The following BCAR3 variants were observed in gnomAD, a reference collection of about 807,000 sequenced individuals.
BCAR3 encodes BCAR3 adaptor protein, NSP family member, also known as breast cancer anti-estrogen resistance protein 3.
BCAR3 carries 37 observed loss-of-function variants against 80.1 expected under a neutral mutation model. That is an observed-to-expected ratio of 0.46 (90% CI 0.36 to 0.61). The LOEUF is 0.61. BCAR3 is among the 20% of genes least tolerant of loss of function. The probability of loss-of-function intolerance (pLI) is 0.00; values close to 1 mark genes in which losing one functional copy is unlikely to be tolerated. For missense variants in BCAR3, 978 were observed against 1,068.2 expected, an observed-to-expected ratio of 0.92 and a Z score of 1.18; for synonymous variants, 389 against 418.9, an observed-to-expected ratio of 0.93 and a Z score of 0.87.
At chr1:93,642,731 C>T (rs560867787) in intron 2 of BCAR3, among the ~76,000 whole-genome samples, 95 of 152,296 alleles carry the variant, frequency 6.2e-4, no homozygotes, top group African/African-American at 2.2e-3. Context: ...ATCCCCAGAA[C>T]GTCCCCACCA....
Position 93,777,347 on chromosome 1 carries a change from TTTCTTCTTCCTCCTCTTC to T in BCAR3, c.-63+68202_-63+68219del, listed in dbSNP as rs879517734. Among the ~76,000 whole-genome samples, 549 of 150,076 alleles carry T rather than the reference TTTCTTCTTCCTCCTCTTC, an allele frequency of 3.7e-3. 1 individual carries two copies. The highest frequency in any genetic ancestry group is 5.6e-3 in the Non-Finnish European group (379 of 67,566). ...AGCTTGCAAATAATATTTCTTCTGC[TTTCTTCTTCCTCCTCTTC>T]TTCTTCTTCCTCCTCTTCTTCTTCC... On this transcript the variant is annotated intron_variant, in intron 2 of 13. Transcript: ENST00000370244.
chr1:93,734,506 C>T (rs1203626686), intron 2 of BCAR3, among the ~76,000 whole-genome samples: 3 of 152,058 alleles, frequency 2.0e-5, no homozygotes, highest in Admixed American at 1.3e-4. Context: ...CCTGGGCTGA[C>T]GTCTGAGGAG....
intron 2 of BCAR3, among the ~76,000 whole-genome samples, chr1:93,783,270 T>C (rs1372312788): frequency 5.9e-5 from 9 of 152,246 alleles, no homozygotes; most frequent in Non-Finnish European, 1.3e-4. Context: ...GGGGCTTTCC[T>C]GTAGGATATT....
intron 2 of BCAR3, among the ~76,000 whole-genome samples, chr1:93,764,173 C>T (rs1251683577): frequency 3.3e-5 from 5 of 152,012 alleles, no homozygotes; most frequent in Non-Finnish European, 7.4e-5. Flanking sequence ...CAGCCCCTGC[C>T]CTCCTCCACC....
chr1:93,588,239 C>T (rs1217361790), intron 5 of BCAR3, among the ~76,000 whole-genome samples: 1 of 152,098 alleles, frequency 6.6e-6, no homozygotes, highest in Non-Finnish European at 1.5e-5. Context: ...CCTCCAAAGT[C>T]CCCTCCCTCC....
chr1:93,668,437 G>A (rs1183588556), intron 2 of BCAR3, among the ~76,000 whole-genome samples: 1 of 152,174 alleles, frequency 6.6e-6, no homozygotes, highest in African/African-American at 2.4e-5. Flanking sequence ...TGACCCAGCT[G>A]CTCCTGTCCT....
chr1:93,582,379 C>T lies in BCAR3; in HGVS notation c.1608G>A (p.Met536Ile). ...PPENKPLETA[M>I]LKRAKELFTN... Reference sequence around the variant, plus strand: ...TGAACAGTTCTTTTGCACGTTTCAACATTGCTGTTTCCAGGGGCTTATTCT... The same window carrying T: ...TGAACAGTTCTTTTGCACGTTTCAATATTGCTGTTTCCAGGGGCTTATTCT... Residue 536 changes from methionine (M) to isoleucine (I), a missense_variant, in exon 7 of 12, where the codon ATG (methionine) becomes ATA (isoleucine). Met to Ile is a conservative substitution (Grantham distance 10, BLOSUM62 1). Coordinates refer to ENST00000260502, the MANE Select transcript of BCAR3 (RefSeq NM_003567.4). The T allele has an allele frequency of 6.2e-7, 1 of 1,614,206 alleles. No individual in the cohort carries two copies. Among genetic ancestry groups the T allele is most frequent in the Admixed American group, 1.7e-5 (1 of 60,018 alleles).
At chr1:93,715,215 TTCATC>T (rs761362689) in intron 2 of BCAR3, among the ~76,000 whole-genome samples, 3 of 152,254 alleles carry the variant, frequency 2.0e-5, no homozygotes, top group Non-Finnish European at 4.4e-5. Flanking sequence ...TGTCTGGCAG[TTCATC>T]ACCCCTTGTG....
At chr1:93,611,008 G>A (rs1674932902) in intron 3 of BCAR3, among the ~76,000 whole-genome samples, 1 of 152,054 alleles carries the variant, frequency 6.6e-6, no homozygotes. Context: ...TGGGCGGGCT[G>A]TTTCTCTGAG....
intron 2 of BCAR3, chr1:93,753,965 C>G (rs1005557442): frequency 7.2e-5 from 11 of 152,374 alleles, no homozygotes; most frequent in African/African-American, 2.6e-4. Context: ...AGGGAGTCAC[C>G]TTTGGCAGGT....
chr1:93,779,371 A>C (rs1652689228), intron 2 of BCAR3, among the ~76,000 whole-genome samples: 1 of 152,224 alleles, frequency 6.6e-6, no homozygotes, highest in Non-Finnish European at 1.5e-5. Context: ...GGTAGAGAAC[A>C]AAAGGAAACT....
rs1035610378 is a variant in BCAR3 at position 93,674,662 on chromosome 1, A to G, written c.269T>C (p.Ile90Thr). Residue 90 changes from isoleucine to threonine, a missense_variant, in exon 2 of 12, where the codon ATC (isoleucine) becomes ACC (threonine). Coordinates refer to ENST00000260502, the MANE Select transcript of BCAR3 (RefSeq NM_003567.4). ...CCGGTCCTGCCATGGGCTCTCCTGG[A>G]TGCCATCCTGGGTCACAGGCGAGTT... ...RQNSPVTQDGIQESPWQDRHG... is the reference protein window; with the variant it reads ...RQNSPVTQDGTQESPWQDRHG... 32 of 1,614,048 alleles carry G rather than the reference A, an allele frequency of 2.0e-5. 1 individual carries two copies. In the Middle Eastern group the frequency reaches 1.7e-3, roughly 84 times the overall value.
intron 2 of BCAR3, among the ~76,000 whole-genome samples, chr1:93,775,848 A>C (rs1474334159): frequency 1.3e-5 from 2 of 152,228 alleles, no homozygotes; most frequent in East Asian, 1.9e-4. Context: ...ATTCACAAGA[A>C]ACTTGAAGCA....
At chr1:93,832,014 C>T (rs12124433) in intron 2 of BCAR3, among the ~76,000 whole-genome samples, 19,786 of 152,084 alleles carry the variant, frequency 0.13, 1,982 homozygotes, top group African/African-American at 0.27. Context: ...GATGCTTTAC[C>T]GCCCTAGACC....
At chr1:93,689,449 T>A (rs1649091965) in intron 3 of BCAR3, among the ~76,000 whole-genome samples, 1 of 151,550 alleles carries the variant, frequency 6.6e-6, no homozygotes, top group Non-Finnish European at 1.5e-5. Flanking sequence ...GAGAATCACC[T>A]GAACCTGGGA....
intron 3 of BCAR3, among the ~76,000 whole-genome samples, chr1:93,639,729 G>A (rs12096357): frequency 0.012 from 1,802 of 152,036 alleles, 40 homozygotes; most frequent in African/African-American, 0.041. Flanking sequence ...TGCCCACCTC[G>A]GCCTCCCAAA....
chr1:93,820,242 T>G (rs1468463099), intron 2 of BCAR3, among the ~76,000 whole-genome samples: 2 of 152,256 alleles, frequency 1.3e-5, no homozygotes, highest in Non-Finnish European at 2.9e-5. Context: ...TTTTCCAAAC[T>G]AAGTACTTGT....
intron 2 of BCAR3, among the ~76,000 whole-genome samples, chr1:93,829,517 C>T (rs1053712674): frequency 6.6e-6 from 1 of 152,006 alleles, no homozygotes; most frequent in Non-Finnish European, 1.5e-5. Context: ...TTTGGGGCTG[C>T]TTTTTATTAA....
At chr1:93,566,182 C>T (rs1039229534) in intron 11 of BCAR3, among the ~76,000 whole-genome samples, 7 of 152,178 alleles carry the variant, frequency 4.6e-5, no homozygotes, top group Admixed American at 1.3e-4. Flanking sequence ...TTGCACAAAT[C>T]TAAACCCAAG....
Sources: allele counts gnomAD v4.1 joint callset (sites outside exome capture counted in the v4.1 genomes callset), GRCh38; gene constraint gnomAD v4.1.1; transcripts MANE v1.5; gene names NCBI Gene and HGNC (gene_info 2026-07-23, HGNC 2026-07-21).